The following STARD6 variants were observed in gnomAD, a reference collection of about 807,000 sequenced individuals.
STARD6 encodes StAR related lipid transfer domain containing 6.
A neutral mutation model predicts 22.3 loss-of-function variants in STARD6; 21 were observed. The ratio of observed to expected loss-of-function variants is 0.94; its 90% CI spans 0.67 to 1.35. The LOEUF (loss-of-function observed/expected upper bound fraction) is 1.35, where lower values mean the gene tolerates loss of function less well. Ranked by LOEUF, STARD6 falls within the 40% of genes most tolerant of loss-of-function variation. The pLI, the probability that STARD6 is intolerant of heterozygous loss-of-function variation, is 0.00. For synonymous variants in STARD6, 80 were observed against 88.1 expected (o/e 0.91, Z 0.52); for missense variants, 269 against 266.9 (o/e 1.01, Z -0.05).
intron 4 of STARD6, among the ~76,000 whole-genome samples, chr18:54,351,473 C>T (rs937166467): frequency 4.6e-5 from 7 of 152,146 alleles, no homozygotes; most frequent in African/African-American, 1.7e-4. Flanking sequence ...CTAGGACTTC[C>T]AGTACTATGT....
chr18:54,349,887 C>T (rs955725762), intron 4 of STARD6, among the ~76,000 whole-genome samples: 4 of 152,038 alleles, frequency 2.6e-5, no homozygotes, highest in Non-Finnish European at 5.9e-5. Context: ...ACCACATTTT[C>T]TTTATCCACT....
chr18:54,353,884 G>C, intron 4 of STARD6, 170 bp downstream of exon 4: 1 of 424,368 alleles, frequency 2.4e-6, no homozygotes, highest in Non-Finnish European at 4.2e-6. Flanking sequence ...AGATTAGATG[G>C]TATCTGATTG....
intron 4 of STARD6, among the ~76,000 whole-genome samples, chr18:54,349,287 C>T (rs2089070430): frequency 6.6e-6 from 1 of 152,026 alleles, no homozygotes; most frequent in Non-Finnish European, 1.5e-5. Context: ...ACATCTTGAA[C>T]ATAAAAATGA....
Position 54,339,044 on chromosome 18 carries a change from C to CAAAAAAAAAAAA in STARD6, c.141-1805_141-1794dup. Reference sequence around the variant, plus strand: ...GCCTGGCGACAGAGTGAGACTCCATCAAAAAAAAAAAAAAAAAAAAAAAAA... The same window carrying CAAAAAAAAAAAA: ...GCCTGGCGACAGAGTGAGACTCCATCAAAAAAAAAAAAAAAAAAAAAAAAAAAAAAAAAAAAA... On this transcript the variant is annotated intron_variant, in intron 4 of 7. Transcript: ENST00000307844. Among the ~76,000 whole-genome samples, 2 of 10,414 alleles carry CAAAAAAAAAAAA rather than the reference C, an allele frequency of 1.9e-4. 1 individual carries two copies. The highest frequency in any genetic ancestry group is 4.7e-4 in the Non-Finnish European group (2 of 4,258). 6.8% of individuals were successfully genotyped at this position (10,414 alleles called of 152,430 possible). A position where few individuals can be genotyped will look rare whatever the true frequency, so the allele number is the denominator to read the frequency against.
intron 4 of STARD6, among the ~76,000 whole-genome samples, chr18:54,340,297 A>T (rs2088958448): frequency 6.6e-6 from 1 of 152,184 alleles, no homozygotes; most frequent in Admixed American, 6.5e-5. Context: ...ATATAGAAGT[A>T]AAGCTTTTAT....
intron 4 of STARD6, among the ~76,000 whole-genome samples, chr18:54,339,507 A>G (rs1787831): frequency 0.068 from 10,301 of 151,820 alleles, 409 homozygotes; most frequent in African/African-American, 0.091. Context: ...TACATAGAAG[A>G]GAACCATAAT....
chr18:54,341,198 T>C (rs1259824472), intron 4 of STARD6, among the ~76,000 whole-genome samples: 2 of 151,866 alleles, frequency 1.3e-5, no homozygotes, highest in African/African-American at 4.8e-5. Flanking sequence ...TAGCTGGGAC[T>C]AGAGGCGCCC....
chr18:54,340,178 T>C (rs2088957437), intron 4 of STARD6, among the ~76,000 whole-genome samples: 1 of 152,136 alleles, frequency 6.6e-6, no homozygotes, highest in Non-Finnish European at 1.5e-5. Context: ...CTTTAAAAGA[T>C]ACTATATAAA....
At chr18:54,339,306 C>CA (rs2088949410) in intron 4 of STARD6, among the ~76,000 whole-genome samples, 1 of 150,744 alleles carries the variant, frequency 6.6e-6, no homozygotes, top group Non-Finnish European at 1.5e-5. Flanking sequence ...GAAAAATATG[C>CA]AAAAAAATAT....
intron 1 of STARD6, among the ~76,000 whole-genome samples, chr18:54,357,575 C>CCTCCCTGTTTATTTTTGAA (rs2089165854): frequency 6.6e-6 from 1 of 152,170 alleles, no homozygotes; most frequent in African/African-American, 2.4e-5. Flanking sequence ...GGCAGACTCT[C>CCTCCCTGTTTATTTTTGAA]AGCGACCGGA....
At chr18:54,339,342 C>A (rs1657881) in intron 4 of STARD6, among the ~76,000 whole-genome samples, 1 of 151,446 alleles carries the variant, frequency 6.6e-6, no homozygotes, top group Non-Finnish European at 1.5e-5. Flanking sequence ...AGTAAAATTT[C>A]TACAAATTTG....
At position 54,331,843 on chromosome 18, in the gene STARD6, T is replaced by C; in HGVS notation, c.284A>G (p.His95Arg). 1.9e-6 allele frequency: 3 copies of C among 1,609,926 alleles called. No individual in the cohort carries two copies. Among genetic ancestry groups the C allele is most frequent in the Non-Finnish European group, 2.5e-6 (3 of 1,176,640 alleles). Residue 95 changes from histidine to arginine, a missense_variant, in exon 6 of 8, where the codon CAT (histidine) becomes CGT (arginine). By Grantham distance (29) the His-to-Arg change is conservative. Transcript: ENST00000307844. ...CACGGCAAAACTTTGTGTAATGGTA[T>C]GACATATGAATGTGTCCTGCAACAA... ...HRIDSDTFIC[H>R]TITQSFAVGS...
intron 2 of STARD6, among the ~76,000 whole-genome samples, chr18:54,355,132 GTCT>G (rs1321929655): frequency 6.6e-6 from 1 of 152,088 alleles, no homozygotes; most frequent in Non-Finnish European, 1.5e-5. Flanking sequence ...CCTCCTACCA[GTCT>G]TCTTCTTGTC....
intron 4 of STARD6, among the ~76,000 whole-genome samples, chr18:54,352,493 T>C (rs1029688381): frequency 6.6e-6 from 1 of 152,208 alleles, no homozygotes; most frequent in Non-Finnish European, 1.5e-5. Flanking sequence ...CTAAGCCCTG[T>C]TGACACCTTG....
At chr18:54,350,940 G>A (rs2089090391) in intron 4 of STARD6, among the ~76,000 whole-genome samples, 1 of 152,078 alleles carries the variant, frequency 6.6e-6, no homozygotes, top group Non-Finnish European at 1.5e-5. Flanking sequence ...TATTCTTTTT[G>A]CTTAGTTTTG....
At chr18:54,348,308 G>A (rs1476907297) in intron 4 of STARD6, among the ~76,000 whole-genome samples, 1 of 152,128 alleles carries the variant, frequency 6.6e-6, no homozygotes, top group Non-Finnish European at 1.5e-5. Context: ...TAATGATGGT[G>A]GTAATAAGTA....
intron 5 of STARD6, among the ~76,000 whole-genome samples, chr18:54,333,210 G>T (rs889790607): frequency 6.6e-5 from 10 of 152,192 alleles, no homozygotes; most frequent in African/African-American, 2.4e-4. Context: ...AGCACTTTGG[G>T]AGGCCGAGGC....
At chr18:54,342,368 C>A (rs2088977205) in intron 4 of STARD6, among the ~76,000 whole-genome samples, 1 of 152,088 alleles carries the variant, frequency 6.6e-6, no homozygotes, top group Admixed American at 6.5e-5. Flanking sequence ...AAACATTTCC[C>A]AAATTTTAGC....
chr18:54,335,393 C>G (rs2088900385), intron 5 of STARD6, among the ~76,000 whole-genome samples: 1 of 151,866 alleles, frequency 6.6e-6, no homozygotes, highest in South Asian at 2.1e-4. Context: ...TCGCGGTCAC[C>G]ATATTAGCTA....
Sources: allele counts gnomAD v4.1 joint callset (sites outside exome capture counted in the v4.1 genomes callset), GRCh38; gene constraint gnomAD v4.1.1; transcripts MANE v1.5; gene names NCBI Gene and HGNC (gene_info 2026-07-23, HGNC 2026-07-21).